The following BMPR2 variants were observed in gnomAD, a reference collection of about 807,000 sequenced individuals.
BMPR2 encodes the protein bone morphogenetic protein receptor type-2.
In BMPR2, 29 loss-of-function variants were observed where a neutral mutation model predicts 100.8. That is an observed-to-expected ratio of 0.29 (90% CI 0.21 to 0.39). The LOEUF (loss-of-function observed/expected upper bound fraction) is 0.39. BMPR2 is among the 10% of genes least tolerant of loss of function. The pLI, the probability that BMPR2 is intolerant of heterozygous loss-of-function variation, is 1.00. For missense variants in BMPR2, 1,011 were observed against 1,274.5 expected (o/e 0.79, Z 3.15); for synonymous variants, 382 against 442.3 (o/e 0.86, Z 1.71).
chr2:202,384,178 C>G (rs1434887302), intron 1 of BMPR2, among the ~76,000 whole-genome samples: 1 of 152,006 alleles, frequency 6.6e-6, no homozygotes, highest in African/African-American at 2.4e-5. Context: ...TCTCAAAAAA[C>G]AAAACAAAAC....
intron 1 of BMPR2, among the ~76,000 whole-genome samples, chr2:202,435,020 G>A (rs1313873990): frequency 2.1e-5 from 3 of 141,780 alleles, no homozygotes; most frequent in East Asian, 2.0e-4. Context: ...TTGCAGACCC[G>A]CCTGGGCAAC....
rs1254481424 is a variant in BMPR2, at chr2:202,567,265, G to C, written c.*7319G>C. On this transcript the variant is annotated 3_prime_UTR_variant, in exon 13 of 13. Transcript: ENST00000374580. ...AATGGACAGGAGAAACATAAGCTACGGAGTATTCACTTCTGAGGATGCTTT... is the reference window on the plus strand; with the variant it reads ...AATGGACAGGAGAAACATAAGCTACCGAGTATTCACTTCTGAGGATGCTTT... 1 of 152,538 alleles carries C rather than the reference G, an allele frequency of 6.6e-6. No homozygotes were observed. The highest frequency in any genetic ancestry group is 6.6e-5 in the Admixed American group (1 of 15,252). The allele number at this position is 152,538 out of a possible 1,614,324, so 9.4% of individuals were successfully genotyped here. A position where few individuals can be genotyped will look rare whatever the true frequency, so the allele number is the denominator to read the frequency against.
intron 3 of BMPR2, among the ~76,000 whole-genome samples, chr2:202,482,027 GTC>G (rs1023028647): frequency 6.6e-6 from 1 of 151,892 alleles, no homozygotes; most frequent in African/African-American, 2.4e-5. Context: ...TCTACTTTCT[GTC>G]TCTATGAATT....
rs71035015 is a variant in BMPR2, at chr2:202,531,930, A to ATTTTTT, written c.1129-633_1129-628dup. Among the ~76,000 whole-genome samples the ATTTTTT allele has an allele frequency of 4.1e-3, 213 of 52,296 alleles. 51 individuals are homozygous for ATTTTTT. Among genetic ancestry groups the ATTTTTT allele is most frequent in the East Asian group, 0.029 (42 of 1,442 alleles). The allele number at this position is 52,296 out of a possible 152,430, so 34.3% of individuals were successfully genotyped here. ...AGTGTGAGCCACCACGCCCAGCTGT[A>ATTTTTT]TTTTTTTTTTTTTTTTTTTTTTTTT... On this transcript the variant is annotated intron_variant, in intron 8 of 12. Coordinates refer to ENST00000374580, the MANE Select transcript of BMPR2 (RefSeq NM_001204.7).
chr2:202,397,048 C>T (rs1184322851), intron 1 of BMPR2, among the ~76,000 whole-genome samples: 4 of 152,130 alleles, frequency 2.6e-5, no homozygotes, highest in Admixed American at 6.5e-5. Context: ...CCACCCGCCT[C>T]GGCCTCCCAA....
Position 202,398,421 on chromosome 2 carries a change from G to A in BMPR2, c.76+20871G>A, listed in dbSNP as rs1371795436. On this transcript the variant is annotated intron_variant, in intron 1 of 12. Transcript: ENST00000374580. ...AAAAAAGCTATATGTGAAGCAAATC[G>A]TGTGCTGTTATGCACCTAATTTTGC... Among the ~76,000 whole-genome samples the A allele has an allele frequency of 7.2e-5, 11 of 152,118 alleles. 1 individual carries two copies. The highest frequency in any genetic ancestry group is 2.1e-4 in the South Asian group (1 of 4,818).
chr2:202,452,978 A>G (rs2105949126), intron 1 of BMPR2, among the ~76,000 whole-genome samples: 1 of 152,280 alleles, frequency 6.6e-6, no homozygotes, highest in Admixed American at 6.5e-5. Context: ...GGTAAAGAGA[A>G]CAGAATGCAT....
chr2:202,503,403 C>T lies in BMPR2; in HGVS notation c.419-10316C>T, dbSNP rs557196748. On this transcript the variant is annotated intron_variant, in intron 3 of 12. Coordinates refer to ENST00000374580, the MANE Select transcript of BMPR2 (RefSeq NM_001204.7). The surrounding 1 kb of genome is among the most constrained non-coding windows in gnomAD (Gnocchi z 4.0). ...TGGAGGGAGAGGCGCAAGCAGGAAC[C>T]GGGGCGGCGTGCCGCGCTTGCGGGC... Among the ~76,000 whole-genome samples, 10 of 152,312 alleles carry T rather than the reference C, an allele frequency of 6.6e-5. No homozygotes were observed. Among genetic ancestry groups the T allele is most frequent in the South Asian group, 4.1e-4 (2 of 4,826 alleles).
Position 202,542,294 on chromosome 2 carries a change from T to C in BMPR2, c.1277-17T>C, listed in dbSNP as rs1276401701. 4.3e-6 allele frequency: 7 copies of C among 1,613,564 alleles called. No homozygotes were observed. Among genetic ancestry groups the C allele is most frequent in the Non-Finnish European group, 5.9e-6 (7 of 1,179,592 alleles). ...GTTAGAAATTTTATTCTGTCATTCT[T>C]TTCTACAAATCCACAGGGGAATCCG... On this transcript the variant is annotated splice_polypyrimidine_tract_variant and intron_variant, in intron 9 of 12. Transcript: ENST00000374580.
chr2:202,405,801 A>G (rs1327696294), intron 1 of BMPR2, among the ~76,000 whole-genome samples: 1 of 152,072 alleles, frequency 6.6e-6, no homozygotes, highest in Admixed American at 6.6e-5. Flanking sequence ...TTTTAAAAAA[A>G]TTTATCATCT....
At chr2:202,407,565 G>T (rs547694318) in intron 1 of BMPR2, among the ~76,000 whole-genome samples, 1 of 151,876 alleles carries the variant, frequency 6.6e-6, no homozygotes, top group Non-Finnish European at 1.5e-5. Context: ...GAGATCAGGA[G>T]ATCGAGACCA....
At chr2:202,550,369 A>G (rs1688455273) in intron 10 of BMPR2, among the ~76,000 whole-genome samples, 2 of 124,732 alleles carry the variant, frequency 1.6e-5, no homozygotes, top group African/African-American at 3.2e-5. Flanking sequence ...CGAGACTCCT[A>G]TCTCCAAAAA....
At chr2:202,526,722 T>C (rs879945388) in intron 7 of BMPR2, among the ~76,000 whole-genome samples, 6 of 152,238 alleles carry the variant, frequency 3.9e-5, no homozygotes, top group Admixed American at 1.3e-4. Context: ...AAAAGAATGA[T>C]TGCCATCAGA....
At chr2:202,513,644 A>G in intron 3 of BMPR2, 75 bp from the exon 4 acceptor site, 1 of 1,095,096 alleles carries the variant, frequency 9.1e-7, no homozygotes, top group Non-Finnish European at 1.4e-6. Context: ...CAGCCTTTCT[A>G]AAGGGCAGTC....
In BMPR2 at chr2:202,507,072, T is replaced by TA. The variant is rs74622497; in HGVS notation, c.419-6627dup. On this transcript the variant is annotated intron_variant, in intron 3 of 12. Transcript: ENST00000374580. Reference sequence around the variant, plus strand: ...TGTGCAAGAGAGTGAGACTCTGCCTTAAAAAAAAAAAAAAAAAAAAGGAAT... The same window carrying TA: ...TGTGCAAGAGAGTGAGACTCTGCCTTAAAAAAAAAAAAAAAAAAAAAGGAAT... Among the ~76,000 whole-genome samples, 549 of 121,580 alleles carry TA rather than the reference T, an allele frequency of 4.5e-3. 1 individual carries two copies. Among genetic ancestry groups the TA allele is most frequent in the African/African-American group, 6.2e-3 (202 of 32,772 alleles). 79.8% of individuals were successfully genotyped at this position (121,580 alleles called of 152,430 possible).
intron 10 of BMPR2, among the ~76,000 whole-genome samples, chr2:202,549,426 C>T (rs1485886366): frequency 6.6e-6 from 1 of 152,068 alleles, no homozygotes; most frequent in East Asian, 1.9e-4. Context: ...TTTGTATAAA[C>T]ATATGGTTTC....
intron 9 of BMPR2, among the ~76,000 whole-genome samples, chr2:202,541,415 TGA>T (rs1192713212): frequency 2.6e-5 from 4 of 152,182 alleles, no homozygotes; most frequent in Admixed American, 6.5e-5. Context: ...GGCAACAAAG[TGA>T]GAGCGTTTCT....
At position 202,484,552 on chromosome 2, in the gene BMPR2, A is replaced by G. The variant is rs191706774; in HGVS notation, c.418+16863A>G. On this transcript the variant is annotated intron_variant, in intron 3 of 12. Coordinates refer to ENST00000374580, the MANE Select transcript of BMPR2 (RefSeq NM_001204.7). Reference sequence around the variant, plus strand: ...AGCGGGCTTGGTGGCAGGCGCCTGTAGTCCCAGCTGCTGGGGAGGCTGAGG... The same window carrying G: ...AGCGGGCTTGGTGGCAGGCGCCTGTGGTCCCAGCTGCTGGGGAGGCTGAGG... Among the ~76,000 whole-genome samples, 67 of 152,004 alleles carry G rather than the reference A, an allele frequency of 4.4e-4. No homozygotes were observed. In the East Asian group the frequency reaches 0.013, roughly 29 times the overall value.
At chr2:202,524,879 C>A (rs541376897) in intron 7 of BMPR2, among the ~76,000 whole-genome samples, 214 of 143,654 alleles carry the variant, frequency 1.5e-3, no homozygotes, top group African/African-American at 4.9e-3. Flanking sequence ...CTAAAAATAT[C>A]AAAAAAAAAA....
Sources: gnomAD v4.1 joint callset for allele counts (sites outside exome capture counted in the v4.1 genomes callset) on GRCh38, gnomAD v4.1.1 for gene constraint, Gnocchi (gnomAD v3.1) non-coding constraint, MANE v1.5 for transcripts, NCBI Gene and HGNC (gene_info 2026-07-23, HGNC 2026-07-21) for gene names.